The following PDE3B variants were observed in gnomAD, a reference collection of about 807,000 sequenced individuals.
PDE3B encodes the protein cGMP-inhibited 3',5'-cyclic phosphodiesterase 3B.
In PDE3B, 66 loss-of-function variants were observed where a neutral mutation model predicts 116.8. The ratio of observed to expected loss-of-function variants is 0.56; its 90% CI spans 0.46 to 0.69. PDE3B has a LOEUF of 0.69. Among genes scored for constraint, PDE3B ranks in the 30% least tolerant of loss-of-function variants. The probability of loss-of-function intolerance (pLI) is 0.00; values close to 1 mark genes in which losing one functional copy is unlikely to be tolerated. For missense variants in PDE3B, 1,384 were observed against 1,368.1 expected, an observed-to-expected ratio of 1.01 and a Z score of -0.18; for synonymous variants, 595 against 533.6, an observed-to-expected ratio of 1.12 and a Z score of -1.59.
chr11:14,830,714 T>C lies in PDE3B; in HGVS notation c.1824T>C (p.Ile608=). 1 of 1,470,000 alleles carries C rather than the reference T, an allele frequency of 6.8e-7. No individual in the cohort carries two copies. 91.1% of individuals were successfully genotyped at this position (1,470,000 alleles called of 1,614,324 possible). ...TTTTGAAAGGTGAAGAAGAAAACAT[T>C]TTCTCGAAAGAATCATTCAAACTTA... ...CSGKSGEEEN[I]FSKESFKLME... Residue 608 remains isoleucine (I), a synonymous_variant, in exon 8 of 16, where the codon ATT becomes ATC. Coordinates refer to ENST00000282096, the MANE Select transcript of PDE3B (RefSeq NM_000922.4).
intron 1 of PDE3B, chr11:14,699,006 G>A (rs1340869304): frequency 1.3e-5 from 2 of 151,858 alleles, no homozygotes; most frequent in Non-Finnish European, 2.9e-5. Flanking sequence ...ACTTCCTGTC[G>A]GTCTAAGAAG....
At chr11:14,757,746 T>G (rs7931505) in intron 1 of PDE3B, among the ~76,000 whole-genome samples, 20,441 of 148,738 alleles carry the variant, frequency 0.14, 2,091 homozygotes, top group African/African-American at 0.29. Flanking sequence ...TCTCCCATTT[T>G]GTAGGGTGCC....
At chr11:14,713,641 T>C (rs1371298217) in intron 1 of PDE3B, among the ~76,000 whole-genome samples, 1 of 152,028 alleles carries the variant, frequency 6.6e-6, no homozygotes, top group Non-Finnish European at 1.5e-5. Context: ...ACTCTGCACA[T>C]GTTAGGTCAG....
chr11:14,889,748 CCT>C, the PDE3B span, among the ~76,000 whole-genome samples: 1 of 152,142 alleles, frequency 6.6e-6, no homozygotes, highest in Non-Finnish European at 1.5e-5. Flanking sequence ...AAGCTTAATT[CCT>C]TTTTCTGTGA....
At position 14,644,206 on chromosome 11, in the gene PDE3B, C is replaced by T; in HGVS notation, c.131C>T (p.Pro44Leu). Reference protein sequence around the residue: ...SCVSPLRQDPPRGFFFHLCRF... With the variant: ...SCVSPLRQDPLRGFFFHLCRF... ...GTGAGCCCCTTGCGGCAGGACCCTC[C>T]GCGCGGCTTCTTCTTCCACCTCTGC... Residue 44 changes from proline (P) to leucine (L), a missense_variant, in exon 1 of 16, where the codon CCG (proline) becomes CTG (leucine). Physicochemically the swap from Pro to Leu is moderately conservative, Grantham distance 98 (BLOSUM62 -3). Transcript: ENST00000282096. 1 of 1,595,340 alleles carries T rather than the reference C, an allele frequency of 6.3e-7. No homozygotes were observed. Among genetic ancestry groups the T allele is most frequent in the Non-Finnish European group, 8.5e-7 (1 of 1,177,110 alleles).
At chr11:14,759,288 T>C (rs1367797824) in intron 1 of PDE3B, among the ~76,000 whole-genome samples, 3 of 152,158 alleles carry the variant, frequency 2.0e-5, no homozygotes, top group African/African-American at 4.8e-5. Context: ...CCTCATAAAA[T>C]GAGTTAGGGA....
At position 14,834,992 on chromosome 11, in the gene PDE3B, T is replaced by TATC; in HGVS notation, c.2219_2220insCAT (p.Ile740dup). ...TTTTGGTGACTTTAGATCACAATCG[T>TATC]ATACATGCCACAGATGTGCTACATG... On this transcript the variant is annotated inframe_insertion, in exon 11 of 16. Transcript: ENST00000282096. 1.2e-6 allele frequency: 2 copies of TATC among 1,607,842 alleles called. No homozygotes were observed. The highest frequency in any genetic ancestry group is 1.7e-6 in the Non-Finnish European group (2 of 1,175,996).
intron 1 of PDE3B, among the ~76,000 whole-genome samples, chr11:14,709,635 A>C (rs745985046): frequency 6.6e-6 from 1 of 152,136 alleles, no homozygotes; most frequent in Admixed American, 6.5e-5. Flanking sequence ...TGGTGGTTCA[A>C]ATTTGGAGAG....
At chr11:14,887,647 G>A in the PDE3B span, 2 of 985,168 alleles carry the variant, frequency 2.0e-6, no homozygotes, top group Non-Finnish European at 2.4e-6. Context: ...ATCACTCCAT[G>A]ATCTTCAAGT....
intron 1 of PDE3B, among the ~76,000 whole-genome samples, chr11:14,769,615 T>A (rs928303944): frequency 6.8e-6 from 1 of 146,506 alleles, no homozygotes; most frequent in Non-Finnish European, 1.5e-5. Context: ...ATATATATAT[T>A]TATATTGTAT....
chr11:14,891,048 A>G, the PDE3B span: 1 of 985,430 alleles, frequency 1.0e-6, no homozygotes, highest in Non-Finnish European at 1.2e-6. Context: ...CGCTAGCGTC[A>G]GGCCTGTAGT....
chr11:14,671,330 A>T (rs1367838850), intron 1 of PDE3B, among the ~76,000 whole-genome samples: 1 of 152,110 alleles, frequency 6.6e-6, no homozygotes, highest in African/African-American at 2.4e-5. Context: ...ATAAATGTTG[A>T]GAAGGAGCTG....
chr11:14,771,162 C>CA (rs1177526208), intron 1 of PDE3B, among the ~76,000 whole-genome samples: 1 of 151,564 alleles, frequency 6.6e-6, no homozygotes, highest in Non-Finnish European at 1.5e-5. Flanking sequence ...AAGCTATGTA[C>CA]AAAATGGCTA....
chr11:14,841,226 G>A (rs949024788), intron 11 of PDE3B, among the ~76,000 whole-genome samples: 10 of 151,538 alleles, frequency 6.6e-5, no homozygotes, highest in African/African-American at 2.4e-4. Flanking sequence ...TGGAATATCA[G>A]CTCTTCCTTG....
At chr11:14,818,076 CT>C (rs1565150860) in intron 5 of PDE3B, 106 bp from the exon 6 acceptor site, 1 of 731,520 alleles carries the variant, frequency 1.4e-6, no homozygotes, top group Non-Finnish European at 2.2e-6. Flanking sequence ...AAATAATCTG[CT>C]TTTTTTAAAT....
rs151315714 is a variant in PDE3B, at chr11:14,664,094, A to T, written c.978+19041A>T. On this transcript the variant is annotated intron_variant, in intron 1 of 15. Transcript: ENST00000282096. ...TCAGACCACAGTGCAATCAAACTAG[A>T]GCTCAGGATTAAGAATCTCACTCAA... 6.9e-3 allele frequency among the ~76,000 whole-genome samples: 1,045 copies of T among 152,360 alleles called. 3 individuals carry two copies. Among genetic ancestry groups the T allele is most frequent in the Non-Finnish European group, 0.011 (737 of 68,044 alleles).
chr11:14,693,480 T>TG (rs1590066804), intron 1 of PDE3B, among the ~76,000 whole-genome samples: 1 of 152,176 alleles, frequency 6.6e-6, no homozygotes, highest in Non-Finnish European at 1.5e-5. Flanking sequence ...GCTGATAACT[T>TG]TAAGTTGATG....
rs781318091 is a variant in PDE3B, at chr11:14,789,199, C to A, written c.1372C>A (p.Arg458Ser). ...TGTTGAACAGTCTTCAAGGTGGGATCGTAATAATGGCAAAAGACCTCACCA... is the reference window on the plus strand; with the variant it reads ...TGTTGAACAGTCTTCAAGGTGGGATAGTAATAATGGCAAAAGACCTCACCA... ...LPVEQSSRWD[R>S]NNGKRPHQEF... Residue 458 changes from arginine to serine, a missense_variant, in exon 4 of 16, where the codon CGT (arginine) becomes AGT (serine). Around this residue, in one of 2 missense-constraint regions of PDE3B, gnomAD observed 956 missense variants for 806.8 expected, o/e 1.18. Coordinates refer to ENST00000282096, the MANE Select transcript of PDE3B (RefSeq NM_000922.4). 3 of 1,609,742 alleles carry A rather than the reference C, an allele frequency of 1.9e-6. No homozygotes were observed. The highest frequency in any genetic ancestry group is 3.4e-5 in the Admixed American group (2 of 59,624).
chr11:14,708,143 T>C (rs1855585873), intron 1 of PDE3B, among the ~76,000 whole-genome samples: 1 of 152,128 alleles, frequency 6.6e-6, no homozygotes, highest in African/African-American at 2.4e-5. Context: ...TGACTTCCAT[T>C]GGGGGTGAGT....
Sources: gnomAD v4.1 joint callset for allele counts (sites outside exome capture counted in the v4.1 genomes callset) on GRCh38, gnomAD v4.1.1 for gene constraint, gnomAD v4.1.1 regional missense constraint, MANE v1.5 for transcripts, NCBI Gene and HGNC (gene_info 2026-07-23, HGNC 2026-07-21) for gene names.